Variants in MYO1B observed in about 807,000 individuals in gnomAD.
The protein encoded by MYO1B is unconventional myosin-Ib.
MYO1B carries 72 observed loss-of-function variants against 159.7 expected under a neutral mutation model. The observed-to-expected ratio is 0.45, with a 90% CI of 0.37 to 0.55. The LOEUF is 0.55. MYO1B is among the 20% of genes least tolerant of loss of function. The probability of loss-of-function intolerance (pLI) is 0.00; values close to 1 mark genes in which losing one functional copy is unlikely to be tolerated. For missense variants in MYO1B, 1,062 were observed against 1,364.8 expected, an observed-to-expected ratio of 0.78 and a Z score of 3.50; for synonymous variants, 468 against 473.8, an observed-to-expected ratio of 0.99 and a Z score of 0.16.
At chr2:191,295,932 A>C (rs1448459226) in intron 2 of MYO1B, among the ~76,000 whole-genome samples, 179 bp from the exon 3 acceptor site, 2 of 152,216 alleles carry the variant, frequency 1.3e-5, no homozygotes, top group African/African-American at 4.8e-5. Context: ...CAAACTAAAT[A>C]GACATTGTTG....
chr2:191,251,707 CTT>C (rs1265790792), intron 1 of MYO1B, among the ~76,000 whole-genome samples: 2 of 152,160 alleles, frequency 1.3e-5, no homozygotes, highest in East Asian at 1.9e-4. Context: ...TCTTTAAAGA[CTT>C]TTTAGAAAAT....
intron 20 of MYO1B, among the ~76,000 whole-genome samples, chr2:191,394,566 A>T (rs1695950251): frequency 6.6e-6 from 1 of 152,238 alleles, no homozygotes; most frequent in African/African-American, 2.4e-5. Context: ...TACGCATTTA[A>T]GCAAACAAAT....
At chr2:191,373,194 G>GATTACTCTATTTCAGTGGTTCTCAGAGT (rs1455854115) in intron 13 of MYO1B, among the ~76,000 whole-genome samples, 1 of 152,092 alleles carries the variant, frequency 6.6e-6, no homozygotes, top group East Asian at 1.9e-4. Flanking sequence ...TTCTTCAGAG[G>GATTACTCTATTTCAGTGGTTCTCAGAGT]ATTACTCTAT....
chr2:191,424,716 C>T lies in MYO1B; in HGVS notation c.*756C>T, dbSNP rs1242994843. On this transcript the variant is annotated 3_prime_UTR_variant, in exon 31 of 31. Coordinates refer to ENST00000392318, the MANE Select transcript of MYO1B (RefSeq NM_001130158.3). ...GTCATTCTTATTTTAGAAAAAGTGA[C>T]AGAAGCAGTCCAGTAAGATTATATG... The T allele has an allele frequency of 2.0e-5, 3 of 152,336 alleles. No homozygotes were observed. Among genetic ancestry groups the T allele is most frequent in the Admixed American group, 6.5e-5 (1 of 15,296 alleles). The allele number at this position is 152,336 out of a possible 1,614,324, so 9.4% of individuals were successfully genotyped here.
intron 2 of MYO1B, among the ~76,000 whole-genome samples, chr2:191,284,428 G>A (rs368630138): frequency 6.6e-6 from 1 of 152,174 alleles, no homozygotes; most frequent in African/African-American, 2.4e-5. Flanking sequence ...GTGACTTACA[G>A]TCACTGTGAC....
intron 23 of MYO1B, among the ~76,000 whole-genome samples, chr2:191,401,149 T>C (rs1216950283): frequency 6.6e-6 from 1 of 150,762 alleles, no homozygotes; most frequent in African/African-American, 2.4e-5. Context: ...TGATGAATGC[T>C]AGCAGTTTTT....
At chr2:191,335,431 G>A (rs1691766236) in intron 4 of MYO1B, among the ~76,000 whole-genome samples, 1 of 152,112 alleles carries the variant, frequency 6.6e-6, no homozygotes, top group Non-Finnish European at 1.5e-5. Flanking sequence ...TCTGTTTTAT[G>A]GAGATTACTT....
intron 1 of MYO1B, among the ~76,000 whole-genome samples, chr2:191,273,105 T>C (rs1025564744): frequency 2.6e-5 from 4 of 152,306 alleles, no homozygotes; most frequent in Middle Eastern, 6.8e-3. Flanking sequence ...CTAATAATTC[T>C]AGGTAATTTT....
In MYO1B at chr2:191,361,284, G is replaced by A. The variant is rs551715271; in HGVS notation, c.661+555G>A. Among the ~76,000 whole-genome samples, 83 of 152,240 alleles carry A rather than the reference G, an allele frequency of 5.5e-4. 1 individual carries two copies. Among genetic ancestry groups the A allele is most frequent in the Middle Eastern group, 3.4e-3 (1 of 294 alleles). On this transcript the variant is annotated intron_variant, in intron 8 of 30. Transcript: ENST00000392318. The stretch of plus-strand genomic sequence containing the variant: ...TGTTTGGGGAGAGAAAATTATCAGG[G>A]TTCTAATTAAATGAGTACAATTCTA...
intron 1 of MYO1B, among the ~76,000 whole-genome samples, chr2:191,274,748 C>A (rs749089820): frequency 1.3e-5 from 2 of 152,200 alleles, no homozygotes; most frequent in African/African-American, 2.4e-5. Context: ...GCTCTGGCTT[C>A]ACCGTCTCTG....
intron 24 of MYO1B, among the ~76,000 whole-genome samples, chr2:191,406,768 GGCTTGTTT>G (rs1696940876): frequency 6.6e-6 from 1 of 152,194 alleles, no homozygotes; most frequent in Non-Finnish European, 1.5e-5. Flanking sequence ...GGTGCCAATA[GGCTTGTTT>G]GATGCAGGGT....
intron 13 of MYO1B, among the ~76,000 whole-genome samples, chr2:191,375,486 T>TAGATAGAC (rs1464010697): frequency 8.6e-5 from 13 of 151,104 alleles, no homozygotes; most frequent in Non-Finnish European, 1.8e-4. Context: ...GATAGATAGA[T>TAGATAGAC]AGATAGATAG....
intron 5 of MYO1B, among the ~76,000 whole-genome samples, chr2:191,344,089 C>T (rs932965697): frequency 8.5e-5 from 13 of 152,158 alleles, no homozygotes; most frequent in African/African-American, 3.1e-4. Context: ...TTGCCCCTGA[C>T]CTTCAAGCCA....
In MYO1B at chr2:191,383,316, G is replaced by A. The variant is rs372336668; in HGVS notation, c.1327G>A (p.Ala443Thr). Residue 443 changes from alanine to threonine, a missense_variant, in exon 15 of 31, where the codon GCT becomes ACT. Physicochemically the swap from Ala to Thr is moderately conservative, Grantham distance 58. Coordinates refer to ENST00000392318, the MANE Select transcript of MYO1B (RefSeq NM_001130158.3). ...EWTHIDYFNN[A>T]IICDLIENNT... The stretch of plus-strand genomic sequence containing the variant: ...GACTCACATTGACTACTTCAATAAT[G>A]CTATCATTTGTGACCTAATAGAAAA... The A allele has an allele frequency of 4.7e-5, 74 of 1,583,662 alleles. No homozygotes were observed. Among genetic ancestry groups the A allele is most frequent in the Non-Finnish European group, 6.3e-5 (74 of 1,166,942 alleles).
Position 191,271,641 on chromosome 2 carries a change from C to T in MYO1B, c.-9-5246C>T, listed in dbSNP as rs141846054. On this transcript the variant is annotated intron_variant, in intron 1 of 30. Transcript: ENST00000392318. Reference sequence around the variant, plus strand: ...TTCAAATTCTACGATAAAAGTGTTTCAACGTATACATTGTTCTTATCTGTG... The same window carrying T: ...TTCAAATTCTACGATAAAAGTGTTTTAACGTATACATTGTTCTTATCTGTG... 3.5e-4 allele frequency among the ~76,000 whole-genome samples: 53 copies of T among 152,240 alleles called. No individual in the cohort carries two copies. In the East Asian group the frequency reaches 6.0e-3, roughly 17 times the overall value.
chr2:191,265,728 G>A (rs1251431113), intron 1 of MYO1B, among the ~76,000 whole-genome samples: 2 of 152,194 alleles, frequency 1.3e-5, no homozygotes, highest in African/African-American at 2.4e-5. Context: ...TGAAAAGTCC[G>A]TGCGTTATAA....
intron 24 of MYO1B, 145 bp downstream of exon 24, chr2:191,402,863 A>G (rs1377307607): frequency 1.7e-6 from 1 of 602,230 alleles, no homozygotes; most frequent in Non-Finnish European, 2.8e-6. Flanking sequence ...TACCTTTTTC[A>G]GAAGAAACCT....
chr2:191,405,462 G>A (rs999551061), intron 24 of MYO1B, among the ~76,000 whole-genome samples: 2 of 152,100 alleles, frequency 1.3e-5, no homozygotes, highest in East Asian at 1.9e-4. Flanking sequence ...ACTCTTTTCT[G>A]GAAAGTTTTT....
chr2:191,265,128 A>G (rs923470798), intron 1 of MYO1B, among the ~76,000 whole-genome samples: 3 of 151,938 alleles, frequency 2.0e-5, no homozygotes, highest in Non-Finnish European at 2.9e-5. Flanking sequence ...ATAGTGCACT[A>G]AATTCAGTAC....
Sources: allele counts gnomAD v4.1 joint callset (sites outside exome capture counted in the v4.1 genomes callset), GRCh38; gene constraint gnomAD v4.1.1; transcripts MANE v1.5; gene names NCBI Gene and HGNC (gene_info 2026-07-23, HGNC 2026-07-21).